The following GNL3L variants were observed in gnomAD, a reference collection of about 807,000 sequenced individuals.
The protein encoded by GNL3L is guanine nucleotide-binding protein-like 3-like protein.
Under a neutral mutation model 42.9 loss-of-function variants are expected in GNL3L, and 4 were observed. That is an observed-to-expected ratio of 0.09 (90% CI 0.05 to 0.21). The LOEUF (loss-of-function observed/expected upper bound fraction) is 0.21, where lower values mean the gene tolerates loss of function less well. Among genes scored for constraint, GNL3L ranks in the 10% least tolerant of loss-of-function variants. The pLI, the probability that GNL3L is intolerant of heterozygous loss-of-function variation, is 1.00. For synonymous variants in GNL3L, 159 were observed against 176.3 expected (o/e 0.90, Z 0.78); for missense variants, 412 against 481.7 (o/e 0.86, Z 1.36).
At chrX:54,636,110 T>C in the GNL3L span, among the ~76,000 whole-genome samples, 1 of 112,404 alleles carries the variant, frequency 8.9e-6, no homozygotes, top group Non-Finnish European at 1.9e-5. Context: ...CTTGCCATTT[T>C]ATAGCCTCAG....
chrX:54,608,212 C>CT (rs902845505), intron 16 of GNL3L, among the ~76,000 whole-genome samples: 7 of 110,200 alleles, frequency 6.4e-5, no homozygotes, highest in African/African-American at 9.9e-5. Context: ...TTTACTTTTT[C>CT]TTTTTTTTGC....
At chrX:54,541,138 G>A (rs955257032) in intron 4 of GNL3L, 135 bp from the exon 5 acceptor site, 2 of 452,321 alleles carry the variant, frequency 4.4e-6, no homozygotes, top group African/African-American at 4.9e-5. Context: ...ATCTCCTGAT[G>A]TCATATCTTC....
At position 54,562,521 on chromosome X, in the gene GNL3L, C is replaced by T. The variant is rs1925298789; in HGVS notation, c.*1919C>T. ...CAGGGGCAACCAAAGGAGAGAATTA[C>T]GTACTTGTTGAGTACAAACTGCACC... is the stretch of plus-strand genomic sequence containing the variant. On this transcript the variant is annotated 3_prime_UTR_variant, in exon 16 of 16. Transcript: ENST00000360845. Among the ~76,000 whole-genome samples the T allele has an allele frequency of 9.0e-6, 1 of 111,461 alleles. No homozygotes were observed. The highest frequency in any genetic ancestry group is 3.3e-5 in the African/African-American group (1 of 30,630).
chrX:54,536,180 A>AT (rs1314360939), intron 2 of GNL3L, among the ~76,000 whole-genome samples: 1 of 105,496 alleles, frequency 9.5e-6, no homozygotes, highest in African/African-American at 3.5e-5. Context: ...CATCCGGCTA[A>AT]TTTTTGTATT....
At chrX:54,551,115 T>C (rs1451083644) in intron 10 of GNL3L, 65 bp downstream of exon 10, 1 of 621,927 alleles carries the variant, frequency 1.6e-6, no homozygotes, top group African/African-American at 2.1e-5. Context: ...CCAACTCCCA[T>C]GCCTTCAGCC....
intron 16 of GNL3L, among the ~76,000 whole-genome samples, chrX:54,594,333 T>C (rs878942512): frequency 3.6e-5 from 4 of 111,597 alleles, no homozygotes; most frequent in Non-Finnish European, 7.5e-5. Context: ...TCTTGCTGAA[T>C]TGACACCTTT....
rs185140073 is a variant in GNL3L at position 54,608,533 on chromosome X, G to A, written c.*46-12312G>A. On this transcript the variant is annotated intron_variant, in intron 16 of 16. Coordinates refer to the GNL3L transcript ENST00000674498. Reference sequence around the variant, plus strand: ...CTACTCTTTCCCCCGAGTCCCCAAAGTCCATCGTATCATTCTTATGCCTTT... The same window carrying A: ...CTACTCTTTCCCCCGAGTCCCCAAAATCCATCGTATCATTCTTATGCCTTT... Among the ~76,000 whole-genome samples the A allele has an allele frequency of 4.3e-4, 46 of 106,835 alleles. No individual in the cohort carries two copies. The East Asian group carries it at 0.014, about 32-fold the overall frequency. The allele number at this position is 106,835 out of a possible 115,157, so 92.8% of individuals were successfully genotyped here.
chrX:54,601,164 A>G (rs1159252635), intron 16 of GNL3L, among the ~76,000 whole-genome samples: 1 of 110,286 alleles, frequency 9.1e-6, no homozygotes, highest in African/African-American at 3.3e-5. Flanking sequence ...TAGGAACATA[A>G]AATAGATTCA....
Position 54,565,041 on chromosome X carries a change from T to A in GNL3L, c.*4439T>A, listed in dbSNP as rs1925387463. Among the ~76,000 whole-genome samples the A allele has an allele frequency of 9.0e-6, 1 of 111,362 alleles. No homozygotes were observed. The highest frequency in any genetic ancestry group is 3.8e-4 in the South Asian group (1 of 2,666). On this transcript the variant is annotated 3_prime_UTR_variant, in exon 16 of 16. Coordinates refer to ENST00000360845, the MANE Select transcript of GNL3L (RefSeq NM_001184819.2). Reference sequence around the variant, plus strand: ...TGAACCACCGTGTCCGGCCATATATTTTCGTCTTTTGAAGACTGTTATATA... The same window carrying A: ...TGAACCACCGTGTCCGGCCATATATATTCGTCTTTTGAAGACTGTTATATA...
intron 15 of GNL3L, among the ~76,000 whole-genome samples, chrX:54,560,056 T>G (rs1925213528): frequency 9.1e-6 from 1 of 110,124 alleles, no homozygotes; most frequent in East Asian, 2.9e-4. Flanking sequence ...AGAGAAGGCC[T>G]CCTGGAGGAG....
intron 16 of GNL3L, among the ~76,000 whole-genome samples, chrX:54,575,473 C>T (rs753233411): frequency 1.8e-5 from 2 of 112,752 alleles, no homozygotes; most frequent in Non-Finnish European, 3.7e-5. Context: ...TGGCTCACGC[C>T]TGTAATCCCA....
chrX:54,620,255 A>G, intron 16 of GNL3L, among the ~76,000 whole-genome samples: 1 of 110,949 alleles, frequency 9.0e-6, no homozygotes, highest in East Asian at 2.8e-4. Context: ...CCCATTAACC[A>G]CCCCAACTTC....
downstream of GNL3L, among the ~76,000 whole-genome samples, chrX:54,624,059 C>T (rs1443641652): frequency 1.8e-5 from 2 of 111,081 alleles, no homozygotes; most frequent in African/African-American, 6.6e-5. Flanking sequence ...TAGCCGGGAT[C>T]ACAGGCATGT....
intron 2 of GNL3L, among the ~76,000 whole-genome samples, chrX:54,536,677 C>T (rs1924434483): frequency 9.2e-6 from 1 of 108,112 alleles, no homozygotes; most frequent in Non-Finnish European, 1.9e-5. Context: ...CCCAGCTACT[C>T]CAGAGGCTGA....
chrX:54,626,314 A>C (rs1926363490), downstream of GNL3L, among the ~76,000 whole-genome samples: 1 of 111,639 alleles, frequency 9.0e-6, no homozygotes, highest in Non-Finnish European at 1.9e-5. Flanking sequence ...ATGTCACTTG[A>C]TATAATATGC....
chrX:54,601,467 C>T (rs1001986199), intron 16 of GNL3L, among the ~76,000 whole-genome samples: 1 of 111,700 alleles, frequency 9.0e-6, no homozygotes, highest in African/African-American at 3.3e-5. Context: ...TTTTCTCTCC[C>T]CTTTCAGAGC....
At chrX:54,609,530 G>A (rs1160363521) in intron 16 of GNL3L, among the ~76,000 whole-genome samples, 1 of 112,313 alleles carries the variant, frequency 8.9e-6, no homozygotes, top group African/African-American at 3.2e-5. Flanking sequence ...TTTGTATAAG[G>A]TGAGAGATGA....
At chrX:54,637,495 A>G in the GNL3L span, among the ~76,000 whole-genome samples, 1 of 111,882 alleles carries the variant, frequency 8.9e-6, no homozygotes, top group Non-Finnish European at 1.9e-5. Flanking sequence ...ACACACATAT[A>G]TATCTCACTA....
At chrX:54,539,303 A>T (rs1312222882) in intron 3 of GNL3L, among the ~76,000 whole-genome samples, 1 of 111,343 alleles carries the variant, frequency 9.0e-6, no homozygotes, top group East Asian at 2.8e-4. Flanking sequence ...TTCGTGCTTG[A>T]TTTACCTTGG....
Sources: gnomAD v4.1 joint callset for allele counts (sites outside exome capture counted in the v4.1 genomes callset) on GRCh38, gnomAD v4.1.1 for gene constraint, MANE v1.5 for transcripts, NCBI Gene and HGNC (gene_info 2026-07-23, HGNC 2026-07-21) for gene names.